Variants in ETV1 observed in about 807,000 individuals in gnomAD.
The protein encoded by ETV1 is ETS variant transcription factor 1.
Under a neutral mutation model 62.3 loss-of-function variants are expected in ETV1, and 27 were observed. That is an observed-to-expected ratio of 0.43 (90% CI 0.32 to 0.60). ETV1 has a LOEUF of 0.60. Among genes scored for constraint, ETV1 ranks in the 20% least tolerant of loss-of-function variants. The pLI, the probability that ETV1 is intolerant of heterozygous loss-of-function variation, is 0.06. For missense variants in ETV1, 605 were observed against 605.8 expected (o/e 1.00, Z 0.01); for synonymous variants, 222 against 199.6 (o/e 1.11, Z -0.94).
intron 6 of ETV1, among the ~76,000 whole-genome samples, chr7:13,948,775 A>T (rs1243399634): frequency 6.6e-6 from 1 of 152,258 alleles, no homozygotes; most frequent in East Asian, 1.9e-4. Context: ...AAAAAAGGAG[A>T]AGGAAAACAC....
chr7:13,906,393 A>C, intron 12 of ETV1, 37 bp downstream of exon 12: 1 of 1,376,390 alleles, frequency 7.3e-7, no homozygotes, highest in East Asian at 2.5e-5. Context: ...ATGTTATAAC[A>C]TGTCTGAGTG....
Position 13,914,505 on chromosome 7 carries a change from C to G in ETV1, c.803-3198G>C, listed in dbSNP as rs10254292. On this transcript the variant is annotated intron_variant, in intron 9 of 13. Coordinates refer to ENST00000430479, the MANE Select transcript of ETV1 (RefSeq NM_004956.5). ...CATTTTAATGCACTAATCAATGTAG[C>G]GGAAGTTAAGAAGAATAATAAACTA... Among the ~76,000 whole-genome samples the G allele has an allele frequency of 2.7e-5, 4 of 150,384 alleles. No homozygotes were observed. In the South Asian group the frequency reaches 8.3e-4, roughly 31 times the overall value.
chr7:13,980,552 G>C (rs1390755811), intron 5 of ETV1, among the ~76,000 whole-genome samples: 1 of 152,118 alleles, frequency 6.6e-6, no homozygotes, highest in Non-Finnish European at 1.5e-5. Context: ...AATTAAAGAC[G>C]AAGGGGAAGA....
chr7:13,933,812 T>C (rs1389607753), intron 8 of ETV1, among the ~76,000 whole-genome samples: 1 of 152,224 alleles, frequency 6.6e-6, no homozygotes, highest in Non-Finnish European at 1.5e-5. Context: ...GCTTCCCTCT[T>C]GGAGTTCCGG....
intron 6 of ETV1, among the ~76,000 whole-genome samples, chr7:13,940,432 G>A (rs894646529): frequency 1.3e-5 from 2 of 151,602 alleles, no homozygotes; most frequent in African/African-American, 4.8e-5. Flanking sequence ...ATATGAAACT[G>A]AAGAAATGCC....
chr7:13,948,950 G>A (rs980953182), intron 6 of ETV1, among the ~76,000 whole-genome samples: 2 of 152,006 alleles, frequency 1.3e-5, no homozygotes, highest in African/African-American at 2.4e-5. Flanking sequence ...ACACAAACTA[G>A]CTGATTAAAA....
At chr7:13,923,677 G>A (rs1316516474) in intron 9 of ETV1, among the ~76,000 whole-genome samples, 2 of 152,088 alleles carry the variant, frequency 1.3e-5, no homozygotes, top group Non-Finnish European at 2.9e-5. Context: ...CCCTAATAGG[G>A]TAATAAGGAA....
intron 7 of ETV1, among the ~76,000 whole-genome samples, chr7:13,938,650 T>C (rs1453282651): frequency 6.6e-6 from 1 of 152,248 alleles, no homozygotes; most frequent in African/African-American, 2.4e-5. Flanking sequence ...TAATAGATAA[T>C]AGCCTCTGCT....
intron 6 of ETV1, among the ~76,000 whole-genome samples, chr7:13,969,452 T>C (rs1780646447): frequency 6.6e-6 from 1 of 152,206 alleles, no homozygotes; most frequent in African/African-American, 2.4e-5. Flanking sequence ...TGGGTATGAA[T>C]GGCAAGGTTC....
intron 12 of ETV1, among the ~76,000 whole-genome samples, chr7:13,904,300 G>A (rs1782734795): frequency 6.6e-6 from 1 of 152,188 alleles, no homozygotes; most frequent in South Asian, 2.1e-4. Flanking sequence ...ACGCTCTACT[G>A]ACTCTGAATT....
At chr7:13,925,229 C>T (rs1435571805) in intron 9 of ETV1, among the ~76,000 whole-genome samples, 1 of 152,144 alleles carries the variant, frequency 6.6e-6, no homozygotes, top group Non-Finnish European at 1.5e-5. Context: ...ATTGTTTAAA[C>T]CTATTAGGAT....
intron 5 of ETV1, among the ~76,000 whole-genome samples, chr7:13,985,922 A>T (rs988855799): frequency 2.0e-5 from 3 of 152,184 alleles, no homozygotes; most frequent in Non-Finnish European, 4.4e-5. Flanking sequence ...TTTAACAAAA[A>T]ATAATTCAAA....
intron 6 of ETV1, among the ~76,000 whole-genome samples, chr7:13,966,879 C>T (rs1192596901): frequency 6.6e-6 from 1 of 152,082 alleles, no homozygotes; most frequent in Admixed American, 6.6e-5. Flanking sequence ...ACTTTTTTCA[C>T]CACTGTATCT....
chr7:13,942,347 G>A (rs1342115532), intron 6 of ETV1, among the ~76,000 whole-genome samples: 2 of 136,070 alleles, frequency 1.5e-5, no homozygotes, highest in African/African-American at 5.1e-5. Flanking sequence ...AGTGGTTTTC[G>A]ATTATTTATT....
At chr7:13,931,793 A>C (rs1284357104) in intron 8 of ETV1, 44 bp from the exon 9 acceptor site, 3 of 1,600,694 alleles carry the variant, frequency 1.9e-6, no homozygotes. Context: ...GGTAACATGG[A>C]ACATTCTTTA....
rs17167677 is a variant in ETV1 at position 13,938,663 on chromosome 7, G to T, written c.365+454C>A. Among the ~76,000 whole-genome samples the T allele has an allele frequency of 5.6e-3, 850 of 152,276 alleles. 6 individuals carry two copies. The highest frequency in any genetic ancestry group is 0.019 in the African/African-American group (793 of 41,536). Reference sequence around the variant, plus strand: ...TTTAATAGATAATAGCCTCTGCTAAGCCTTATGAAATTCCAGTTTTATTGC... The same window carrying T: ...TTTAATAGATAATAGCCTCTGCTAATCCTTATGAAATTCCAGTTTTATTGC... On this transcript the variant is annotated intron_variant, in intron 7 of 13. Coordinates refer to ENST00000430479, the MANE Select transcript of ETV1 (RefSeq NM_004956.5).
intron 12 of ETV1, among the ~76,000 whole-genome samples, chr7:13,905,175 T>G (rs776857824): frequency 1.3e-5 from 2 of 151,984 alleles, no homozygotes; most frequent in Non-Finnish European, 2.9e-5. Context: ...TTATGTAAAC[T>G]TATCTTCTGG....
At chr7:13,901,196 G>A (rs768417987) in intron 12 of ETV1, among the ~76,000 whole-genome samples, 1 of 151,964 alleles carries the variant, frequency 6.6e-6, no homozygotes, top group Non-Finnish European at 1.5e-5. Context: ...GTAGAGGTGG[G>A]GTTTCACCAT....
chr7:13,903,444 T>C (rs918760641), intron 12 of ETV1, among the ~76,000 whole-genome samples: 9 of 151,992 alleles, frequency 5.9e-5, no homozygotes, highest in African/African-American at 2.2e-4. Flanking sequence ...TTATACTGAG[T>C]CTTACAGACG....
Sources: gnomAD v4.1 joint callset for allele counts (sites outside exome capture counted in the v4.1 genomes callset) on GRCh38, gnomAD v4.1.1 for gene constraint, MANE v1.5 for transcripts, NCBI Gene and HGNC (gene_info 2026-07-23, HGNC 2026-07-21) for gene names.